Variants in BTBD17 observed in about 807,000 individuals in gnomAD.
The protein encoded by BTBD17 is BTB/POZ domain-containing protein 17.
A neutral mutation model predicts 36.9 loss-of-function variants in BTBD17; 26 were observed. That is an observed-to-expected ratio of 0.70 (90% CI 0.52 to 0.98). The LOEUF (loss-of-function observed/expected upper bound fraction) is 0.98, where lower values mean the gene tolerates loss of function less well. BTBD17 is among the 50% of genes least tolerant of loss of function. The pLI is 0.00. For missense variants in BTBD17, 630 were observed against 691.3 expected (o/e 0.91, Z 0.99); for synonymous variants, 341 against 338.0 (o/e 1.01, Z -0.10).
chr17:74,356,829 C>T lies in BTBD17; in HGVS notation c.1265G>A (p.Arg422His). The change falls in exon 3 of 3, where the codon CGC becomes CAC. Residue 422 changes from arginine (R) to histidine (H), a missense_variant. Arg to His is a conservative substitution (Grantham distance 29). Coordinates refer to ENST00000375366, the MANE Select transcript of BTBD17 (RefSeq NM_001080466.2). This position sits in a 1 kb window ranked among gnomAD's most constrained non-coding sequence, Gnocchi z 4.3. ...GCTGTAGGCGTGGCGGACCAGCAGGCGGCCCTGCTGGCGCGCCCCCACCAG... is the reference window on the plus strand; with the variant it reads ...GCTGTAGGCGTGGCGGACCAGCAGGTGGCCCTGCTGGCGCGCCCCCACCAG... The part of the protein sequence containing the change: ...TVLVGARQQG[R>H]LLVRHAYSFH... 3 of 1,573,194 alleles carry T rather than the reference C, an allele frequency of 1.9e-6. No individual in the cohort carries two copies. The highest frequency in any genetic ancestry group is 1.7e-6 in the Non-Finnish European group (2 of 1,165,288).
At chr17:74,363,165 C>G (rs1010838711), upstream of BTBD17, among the ~76,000 whole-genome samples, 1 of 152,118 alleles carries the variant, frequency 6.6e-6, no homozygotes, top group Non-Finnish European at 1.5e-5. Flanking sequence ...CCCTGGCTCT[C>G]TGGATCCCAG....
At chr17:74,362,047 C>A (rs1457324212), upstream of BTBD17, 5 of 505,970 alleles carry the variant, frequency 9.9e-6, no homozygotes, top group Non-Finnish European at 1.8e-5. Context: ...TATTGTGCTG[C>A]CTGTGGGCCC....
At position 74,357,372 on chromosome 17, in the gene BTBD17, G is replaced by A. The variant is rs777432466; in HGVS notation, c.722C>T (p.Ala241Val). ...FHALEAWLGR[A>V]RPPPAVAERA... is the part of the protein sequence containing the mutation. ...CTCGGCCACGGCAGGGGGCGGCCGC[G>A]CGCGACCCAGCCAGGCCTCCAGCGC... The change falls in exon 3 of 3, where the codon GCG becomes GTG. Residue 241 changes from alanine (A) to valine (V), a missense_variant. Physicochemically the swap from Ala to Val is moderately conservative, Grantham distance 64. Coordinates refer to ENST00000375366, the MANE Select transcript of BTBD17 (RefSeq NM_001080466.2). This position sits in a 1 kb window ranked among gnomAD's most constrained non-coding sequence, Gnocchi z 8.4. 6.7e-5 allele frequency: 104 copies of A among 1,552,950 alleles called. No individual in the cohort carries two copies. Among genetic ancestry groups the A allele is most frequent in the Admixed American group, 3.8e-5 (2 of 53,248 alleles).
At position 74,357,132 on chromosome 17, in the gene BTBD17, C is replaced by A; in HGVS notation, c.962G>T (p.Trp321Leu). 6.5e-7 allele frequency: 1 copy of A among 1,530,086 alleles called. No homozygotes were observed. The highest frequency in any genetic ancestry group is 1.2e-5 in the South Asian group (1 of 80,298). 94.8% of individuals were successfully genotyped at this position (1,530,086 alleles called of 1,614,324 possible). A position where few individuals can be genotyped will look rare whatever the true frequency, so the allele number is the denominator to read the frequency against. ...FLPRNYLAPA[W>L]GAPWVINNPA... is the part of the protein sequence containing the mutation. ...GTTGTTGATGACCCACGGGGCGCCC[C>A]AGGCGGGCGCGAGGTAGTTGCGGGG... Residue 321 changes from tryptophan to leucine, a missense_variant, in exon 3 of 3, where the codon TGG becomes TTG. Transcript: ENST00000375366. The surrounding 1 kb of genome is among the most constrained non-coding windows in gnomAD (Gnocchi z 8.4).
At chr17:74,362,035 G>C, upstream of BTBD17, 1 of 529,190 alleles carries the variant, frequency 1.9e-6, no homozygotes, top group South Asian at 2.3e-5. Context: ...AGCCCCGGGG[G>C]CTATTGTGCT....
At position 74,357,957 on chromosome 17, in the gene BTBD17, A is replaced by G. The variant is rs2054910816; in HGVS notation, c.363-226T>C. On this transcript the variant is annotated intron_variant, in intron 2 of 2. Coordinates refer to ENST00000375366, the MANE Select transcript of BTBD17 (RefSeq NM_001080466.2). This position sits in a 1 kb window ranked among gnomAD's most constrained non-coding sequence, Gnocchi z 8.4. ...TTTCCGTTTCCGCGGTGATGTAGAA[A>G]TTGCCTGCATTGACTGTGCCTCTAC... is the stretch of plus-strand genomic sequence containing the variant. Among the ~76,000 whole-genome samples the G allele has an allele frequency of 6.6e-6, 1 of 152,184 alleles. No homozygotes were observed. The highest frequency in any genetic ancestry group is 1.5e-5 in the Non-Finnish European group (1 of 68,028).
chr17:74,359,409 TC>T (rs2054921578), intron 2 of BTBD17, among the ~76,000 whole-genome samples: 1 of 152,120 alleles, frequency 6.6e-6, no homozygotes. Context: ...TCAGACAGAA[TC>T]CTGCTCTGTC....
At chr17:74,361,613 C>G (rs1022598279) in intron 1 of BTBD17, 122 bp downstream of exon 1, 3 of 725,228 alleles carry the variant, frequency 4.1e-6, no homozygotes, top group South Asian at 1.8e-5. Flanking sequence ...TGGAGCTGTC[C>G]GGTCCACCCC....
intron 1 of BTBD17, among the ~76,000 whole-genome samples, chr17:74,360,845 C>T (rs2054933359): frequency 6.6e-6 from 1 of 152,222 alleles, no homozygotes; most frequent in Admixed American, 6.5e-5. Context: ...AGCCAGGGAA[C>T]CAGTGTCAAG....
In BTBD17 at chr17:74,361,791, C is replaced by T; in HGVS notation, c.29G>A (p.Gly10Glu). The T allele has an allele frequency of 6.2e-7, 1 of 1,613,950 alleles. No homozygotes were observed. Among genetic ancestry groups the T allele is most frequent in the African/African-American group, 1.3e-5 (1 of 75,058 alleles). The stretch of plus-strand genomic sequence containing the variant: ...CATGGCCCAGAAGCTGCCCCAGGAC[C>T]CAGGCTTGGAGTAGCCTCTCCTAGG... The part of the protein sequence containing the change: MPRRGYSKP[G>E]SWGSFWAMLT... Residue 10 changes from glycine (G) to glutamate (E), a missense_variant, in exon 1 of 3, where the codon GGG (glycine) becomes GAG (glutamate). Gly to Glu is a moderately conservative substitution (Grantham distance 98, BLOSUM62 -2). Transcript: ENST00000375366.
chr17:74,362,339 C>T (rs374068785), upstream of BTBD17, among the ~76,000 whole-genome samples: 84 of 152,186 alleles, frequency 5.5e-4, no homozygotes, highest in East Asian at 0.014. Flanking sequence ...GAGGCTCCCA[C>T]CCCTCCCCCA....
rs867178707 is a variant in BTBD17, at chr17:74,357,658, C to G, written c.436G>C (p.Gly146Arg). ...IPLHRLATKY[G>R]VSSLQRGVAD... is the part of the protein sequence containing the mutation. ...ACGCCGCGCTGCAGGGAGGACACGCCGTACTTGGTGGCCAGTCTGTGCAGG... is the reference window on the plus strand; with the variant it reads ...ACGCCGCGCTGCAGGGAGGACACGCGGTACTTGGTGGCCAGTCTGTGCAGG... The change falls in exon 3 of 3, where the codon GGC becomes CGC. Residue 146 changes from glycine (G) to arginine (R), a missense_variant. Coordinates refer to ENST00000375366, the MANE Select transcript of BTBD17 (RefSeq NM_001080466.2). This position sits in a 1 kb window ranked among gnomAD's most constrained non-coding sequence, Gnocchi z 8.4. 7.1e-6 allele frequency: 11 copies of G among 1,550,464 alleles called. No homozygotes were observed. Among genetic ancestry groups the G allele is most frequent in the Non-Finnish European group, 8.7e-6 (10 of 1,148,854 alleles).
At chr17:74,361,875 C>T (rs767539636), upstream of BTBD17, 92 of 1,409,014 alleles carry the variant, frequency 6.5e-5, no homozygotes, top group Non-Finnish European at 9.1e-5. Flanking sequence ...GACCACTCTG[C>T]TCACATCCCT....
rs955311401 is a variant in BTBD17, at chr17:74,357,942, C to T, written c.363-211G>A. Among the ~76,000 whole-genome samples, 2 of 152,170 alleles carry T rather than the reference C, an allele frequency of 1.3e-5. No individual in the cohort carries two copies. Among genetic ancestry groups the T allele is most frequent in the African/African-American group, 4.8e-5 (2 of 41,434 alleles). ...CTTCACAGGCTCTTCTTTCCGTTTC[C>T]GCGGTGATGTAGAAATTGCCTGCAT... On this transcript the variant is annotated intron_variant, in intron 2 of 2. Coordinates refer to ENST00000375366, the MANE Select transcript of BTBD17 (RefSeq NM_001080466.2). The surrounding 1 kb of genome is among the most constrained non-coding windows in gnomAD (Gnocchi z 8.4).
At chr17:74,362,577 C>T (rs554674382), upstream of BTBD17, among the ~76,000 whole-genome samples, 1 of 152,356 alleles carries the variant, frequency 6.6e-6, no homozygotes, top group African/African-American at 2.4e-5. Context: ...CAGATGCACC[C>T]TGCCCCGTGC....
chr17:74,358,680 G>C (rs11657748), intron 2 of BTBD17, among the ~76,000 whole-genome samples: 84,894 of 151,356 alleles, frequency 0.56, 23,842 homozygotes, highest in Non-Finnish European at 0.58. Context: ...GTATCTCTTC[G>C]TCTTACTTCT....
rs1421201540 is a variant in BTBD17 at position 74,360,194 on chromosome 17, G to T, written c.137C>A (p.Ser46Tyr). 1.9e-6 allele frequency: 3 copies of T among 1,611,426 alleles called. No individual in the cohort carries two copies. The highest frequency in any genetic ancestry group is 1.7e-6 in the Non-Finnish European group (2 of 1,179,316). Reference sequence around the variant, plus strand: ...CTGCAAGCGCTGGAGCACCGCCTGGGAGTGGTTGATGGAGGTGCCAGCTGC... The same window carrying T: ...CTGCAAGCGCTGGAGCACCGCCTGGTAGTGGTTGATGGAGGTGCCAGCTGC... ...GEAAGTSINH[S>Y]QAVLQRLQEL... is the part of the protein sequence containing the mutation. The change falls in exon 2 of 3, where the codon TCC becomes TAC. Residue 46 changes from serine (S) to tyrosine (Y), a missense_variant. Transcript: ENST00000375366.
rs1226916548 is a variant in BTBD17 at position 74,356,616 on chromosome 17, A to G, written c.*41T>C. 7.0e-7 allele frequency: 1 copy of G among 1,419,658 alleles called. No homozygotes were observed. The highest frequency in any genetic ancestry group is 9.2e-7 in the Non-Finnish European group (1 of 1,081,230). 87.9% of individuals were successfully genotyped at this position (1,419,658 alleles called of 1,614,324 possible). A position where few individuals can be genotyped will look rare whatever the true frequency, so the allele number is the denominator to read the frequency against. Reference sequence around the variant, plus strand: ...CTCGCCTTGCCCTTCCCAGACCCACAGGGACCACCTAGGCCAGGCCTTTAT... The same window carrying G: ...CTCGCCTTGCCCTTCCCAGACCCACGGGGACCACCTAGGCCAGGCCTTTAT... On this transcript the variant is annotated 3_prime_UTR_variant, in exon 3 of 3. Coordinates refer to ENST00000375366, the MANE Select transcript of BTBD17 (RefSeq NM_001080466.2). The surrounding 1 kb of genome is among the most constrained non-coding windows in gnomAD (Gnocchi z 4.3).
chr17:74,363,138 G>A (rs60229833), upstream of BTBD17, among the ~76,000 whole-genome samples: 9,526 of 152,132 alleles, frequency 0.063, 982 homozygotes, highest in African/African-American at 0.22. Flanking sequence ...GGTTGGGGAT[G>A]AATTAAATCT....
Sources: gnomAD v4.1 joint callset for allele counts (sites outside exome capture counted in the v4.1 genomes callset) on GRCh38, gnomAD v4.1.1 for gene constraint, Gnocchi (gnomAD v3.1) non-coding constraint, MANE v1.5 for transcripts, NCBI Gene and HGNC (gene_info 2026-07-23, HGNC 2026-07-21) for gene names.